Variants in RNF217 observed in about 807,000 individuals in gnomAD.
RNF217 encodes ring finger protein 217.
RNF217 carries 31 observed loss-of-function variants against 57.8 expected under a neutral mutation model. The ratio of observed to expected loss-of-function variants is 0.54; its 90% CI spans 0.40 to 0.72. The LOEUF is 0.72. RNF217 is among the 30% of genes least tolerant of loss of function. The probability of loss-of-function intolerance (pLI) is 0.00; values close to 1 mark genes in which losing one functional copy is unlikely to be tolerated. For missense variants in RNF217, 696 were observed against 708.3 expected (o/e 0.98, Z 0.20); for synonymous variants, 313 against 294.0 (o/e 1.06, Z -0.66).
chr6:125,003,933 A>G (rs754716429), intron 1 of RNF217, among the ~76,000 whole-genome samples: 3 of 152,160 alleles, frequency 2.0e-5, no homozygotes, highest in Non-Finnish European at 4.4e-5. Flanking sequence ...CTCAGAACTA[A>G]TTGATCAACA....
intron 1 of RNF217, among the ~76,000 whole-genome samples, chr6:125,035,913 A>G (rs1267205554): frequency 6.8e-6 from 1 of 147,602 alleles, no homozygotes; most frequent in Admixed American, 6.8e-5. Context: ...ACTTTTATTT[A>G]TTTATTTTAT....
In RNF217 at chr6:125,089,440, C is replaced by A. The variant is rs1347394539; in HGVS notation, c.*6503C>A. 1 of 152,106 alleles carries A rather than the reference C, an allele frequency of 6.6e-6. No individual in the cohort carries two copies. The highest frequency in any genetic ancestry group is 1.9e-4 in the East Asian group (1 of 5,188). The allele number at this position is 152,106 out of a possible 1,614,324, so 9.4% of individuals were successfully genotyped here. A position where few individuals can be genotyped will look rare whatever the true frequency, so the allele number is the denominator to read the frequency against. ...CTTGGGGTGGATTTATATAGTGTAG[C>A]ATTTGTATATAAGATTCAATTATGG... On this transcript the variant is annotated 3_prime_UTR_variant, in exon 6 of 6. Transcript: ENST00000521654.
Position 125,045,352 on chromosome 6 carries a change from A to G in RNF217, c.1024A>G (p.Ser342Gly). Reference sequence around the variant, plus strand: ...CTTGGAACTTGGCCGTATTGATTCCAGCACCAAGCCATGTCCTCAGTGCAA... The same window carrying G: ...CTTGGAACTTGGCCGTATTGATTCCGGCACCAAGCCATGTCCTCAGTGCAA... Reference protein sequence around the residue: ...YFLELGRIDSSTKPCPQCKHF... With the variant: ...YFLELGRIDSGTKPCPQCKHF... Residue 342 changes from serine (S) to glycine (G), a missense_variant, in exon 2 of 6, where the codon AGC becomes GGC. Ser to Gly is a moderately conservative substitution (Grantham distance 56). Around this residue, in one of 2 missense-constraint regions of RNF217, gnomAD observed 231 missense variants for 321.4 expected, o/e 0.72. Transcript: ENST00000521654. The G allele has an allele frequency of 6.2e-7, 1 of 1,613,494 alleles. No individual in the cohort carries two copies. Among genetic ancestry groups the G allele is most frequent in the Non-Finnish European group, 8.5e-7 (1 of 1,179,676 alleles).
At chr6:125,049,868 A>G (rs778084754) in intron 2 of RNF217, among the ~76,000 whole-genome samples, 8 of 151,690 alleles carry the variant, frequency 5.3e-5, no homozygotes, top group Non-Finnish European at 1.2e-4. Flanking sequence ...CAGGTTTGGG[A>G]AATGGAAAAT....
chr6:125,049,814 G>A (rs1050606596), intron 2 of RNF217, among the ~76,000 whole-genome samples: 33 of 151,960 alleles, frequency 2.2e-4, no homozygotes, highest in African/African-American at 8.0e-4. Context: ...TGGACAATGG[G>A]CAGAAAGGAG....
intron 3 of RNF217, among the ~76,000 whole-genome samples, chr6:125,061,305 G>A (rs1293492014): frequency 6.6e-6 from 1 of 151,684 alleles, no homozygotes; most frequent in African/African-American, 2.4e-5. Context: ...TTGAGGACCT[G>A]TTTCAGTATG....
intron 1 of RNF217, among the ~76,000 whole-genome samples, chr6:124,982,120 T>A (rs1049839795): frequency 1.3e-5 from 2 of 151,922 alleles, no homozygotes; most frequent in Admixed American, 1.3e-4. Context: ...AGCTTTTTTA[T>A]TTTTGTAGCT....
At position 124,986,360 on chromosome 6, in the gene RNF217, A is replaced by G. The variant is rs868021063; in HGVS notation, c.882+22934A>G. Among the ~76,000 whole-genome samples the G allele has an allele frequency of 2.6e-5, 4 of 152,326 alleles. No individual in the cohort carries two copies. The South Asian group carries it at 8.3e-4, about 32-fold the overall frequency. On this transcript the variant is annotated intron_variant, in intron 1 of 5. Coordinates refer to ENST00000521654, the MANE Select transcript of RNF217 (RefSeq NM_001286398.3). ...TGGTTAGAAGAAAGGGAGGGCAACCATCAGGCAACAGACTTCCTTTGATGT... is the reference window on the plus strand; with the variant it reads ...TGGTTAGAAGAAAGGGAGGGCAACCGTCAGGCAACAGACTTCCTTTGATGT...
chr6:125,039,768 C>G (rs1786800276), intron 1 of RNF217, among the ~76,000 whole-genome samples: 1 of 152,172 alleles, frequency 6.6e-6, no homozygotes, highest in Non-Finnish European at 1.5e-5. Flanking sequence ...ACAGTGCAAT[C>G]AAATTAAAAT....
chr6:125,001,558 C>T (rs1217188537), intron 1 of RNF217, among the ~76,000 whole-genome samples: 1 of 152,150 alleles, frequency 6.6e-6, no homozygotes, highest in Non-Finnish European at 1.5e-5. Context: ...CTGATAATTC[C>T]TAGCAGTATG....
intron 1 of RNF217, among the ~76,000 whole-genome samples, chr6:124,973,004 A>G (rs1783818563): frequency 1.3e-5 from 2 of 152,172 alleles, no homozygotes; most frequent in South Asian, 4.1e-4. Context: ...TGTTATATAT[A>G]CTCTATAAGT....
intron 1 of RNF217, among the ~76,000 whole-genome samples, chr6:125,002,846 C>G (rs940095853): frequency 6.6e-6 from 1 of 152,092 alleles, no homozygotes; most frequent in Non-Finnish European, 1.5e-5. Flanking sequence ...AGGAGAGACT[C>G]TTGCAGACTT....
intron 1 of RNF217, among the ~76,000 whole-genome samples, chr6:124,972,336 T>G (rs1457937191): frequency 5.3e-5 from 8 of 152,208 alleles, no homozygotes; most frequent in Non-Finnish European, 8.8e-5. Context: ...ATTTCTCTCC[T>G]GGATTCTTAC....
intron 3 of RNF217, among the ~76,000 whole-genome samples, chr6:125,069,658 C>A (rs1788066422): frequency 6.6e-6 from 1 of 152,068 alleles, no homozygotes; most frequent in Admixed American, 6.5e-5. Context: ...TTGGGTATAT[C>A]CCCAGTAATA....
chr6:124,984,298 G>A (rs1012984975), intron 1 of RNF217, among the ~76,000 whole-genome samples: 1 of 152,106 alleles, frequency 6.6e-6, no homozygotes, highest in Non-Finnish European at 1.5e-5. Context: ...TGTAATTCCA[G>A]CACTTTGGGA....
chr6:125,000,345 A>C lies in RNF217; in HGVS notation c.882+36919A>C, dbSNP rs187514132. 2.4e-4 allele frequency among the ~76,000 whole-genome samples: 36 copies of C among 152,170 alleles called. No homozygotes were observed. In the East Asian group the frequency reaches 6.4e-3, roughly 27 times the overall value. On this transcript the variant is annotated intron_variant, in intron 1 of 5. Coordinates refer to ENST00000521654, the MANE Select transcript of RNF217 (RefSeq NM_001286398.3). Reference sequence around the variant, plus strand: ...AAAACAAGACTCTTTTACTATAGTGATAGTTGCTGTATATTAGGTTACACT... The same window carrying C: ...AAAACAAGACTCTTTTACTATAGTGCTAGTTGCTGTATATTAGGTTACACT...
rs1014485866 is a variant in RNF217, at chr6:125,088,897, A to C, written c.*5960A>C. On this transcript the variant is annotated 3_prime_UTR_variant, in exon 6 of 6. Transcript: ENST00000521654. Reference sequence around the variant, plus strand: ...AATGATACCCACATACTACAACATCAAGCTCCTTTTTCTCTTAAATTTCCT... The same window carrying C: ...AATGATACCCACATACTACAACATCCAGCTCCTTTTTCTCTTAAATTTCCT... The C allele has an allele frequency of 7.9e-5, 12 of 152,498 alleles. No individual in the cohort carries two copies. 9.4% of individuals were successfully genotyped at this position (152,498 alleles called of 1,614,324 possible).
rs1178126173 is a variant in RNF217, at chr6:125,087,945, A to G, written c.*5008A>G. On this transcript the variant is annotated 3_prime_UTR_variant, in exon 6 of 6. Transcript: ENST00000521654. Reference sequence around the variant, plus strand: ...GCACACCAATCCCAAGTTTAAGCATATTTTGTATTTAAAGTTATAATTTAA... The same window carrying G: ...GCACACCAATCCCAAGTTTAAGCATGTTTTGTATTTAAAGTTATAATTTAA... The G allele has an allele frequency of 6.6e-6, 1 of 150,498 alleles. No individual in the cohort carries two copies. Among genetic ancestry groups the G allele is most frequent in the Non-Finnish European group, 1.5e-5 (1 of 67,722 alleles). 9.3% of individuals were successfully genotyped at this position (150,498 alleles called of 1,614,324 possible).
intron 1 of RNF217, among the ~76,000 whole-genome samples, chr6:125,040,547 C>A (rs1011505606): frequency 6.6e-6 from 1 of 152,148 alleles, no homozygotes. Flanking sequence ...TGAAACTATT[C>A]CAAACAATTG....
Sources: gnomAD v4.1 joint callset for allele counts (sites outside exome capture counted in the v4.1 genomes callset) on GRCh38, gnomAD v4.1.1 for gene constraint, gnomAD v4.1.1 regional missense constraint, MANE v1.5 for transcripts, NCBI Gene and HGNC (gene_info 2026-07-23, HGNC 2026-07-21) for gene names.